The following CACNB4 variants were observed in gnomAD, a reference collection of about 807,000 sequenced individuals.
The protein encoded by CACNB4 is voltage-dependent L-type calcium channel subunit beta-4.
A neutral mutation model predicts 71.2 loss-of-function variants in CACNB4; 32 were observed. That is an observed-to-expected ratio of 0.45 (90% CI 0.34 to 0.60). The LOEUF (loss-of-function observed/expected upper bound fraction) is 0.60, where lower values mean the gene tolerates loss of function less well. CACNB4 is among the 20% of genes least tolerant of loss of function. CACNB4 has a pLI of 0.01. For missense variants in CACNB4, 464 were observed against 647.9 expected (o/e 0.72, Z 3.08); for synonymous variants, 231 against 236.9 (o/e 0.97, Z 0.23).
intron 2 of CACNB4, among the ~76,000 whole-genome samples, chr2:151,907,000 C>A (rs907419433): frequency 6.6e-6 from 1 of 152,150 alleles, no homozygotes; most frequent in African/African-American, 2.4e-5. Context: ...GCAGTTATCT[C>A]TATATGTTTA....
chr2:152,074,642 T>C (rs11886890), intron 2 of CACNB4, among the ~76,000 whole-genome samples: 4,273 of 40,250 alleles, frequency 0.11, 317 homozygotes, highest in East Asian at 0.44. Flanking sequence ...TTACCACCTC[T>C]ATCATCACCA....
At chr2:152,047,562 T>C (rs1685201501) in intron 2 of CACNB4, among the ~76,000 whole-genome samples, 1 of 152,236 alleles carries the variant, frequency 6.6e-6, no homozygotes, top group African/African-American at 2.4e-5. Context: ...TTGTAACTTC[T>C]GCTTTCTTGA....
chr2:151,964,790 C>A (rs1365568636), intron 2 of CACNB4, among the ~76,000 whole-genome samples: 3 of 152,166 alleles, frequency 2.0e-5, no homozygotes, highest in African/African-American at 7.2e-5. Context: ...TTTTAGTTAA[C>A]TAAATATGAA....
At chr2:151,923,615 G>A (rs1158112864) in intron 2 of CACNB4, among the ~76,000 whole-genome samples, 2 of 152,220 alleles carry the variant, frequency 1.3e-5, no homozygotes, top group Non-Finnish European at 2.9e-5. Flanking sequence ...GTCTTGGCCA[G>A]ATAATTTCAG....
intron 2 of CACNB4, among the ~76,000 whole-genome samples, chr2:152,053,712 T>C (rs1478844891): frequency 6.6e-6 from 1 of 151,924 alleles, no homozygotes; most frequent in Non-Finnish European, 1.5e-5. Flanking sequence ...TTTGTAGAGA[T>C]AGAGTCTCAC....
intron 2 of CACNB4, among the ~76,000 whole-genome samples, chr2:152,071,689 C>T (rs949521389): frequency 3.3e-5 from 5 of 152,030 alleles, no homozygotes; most frequent in Non-Finnish European, 5.9e-5. Context: ...TATAGTAACC[C>T]GAAAACAAAA....
At chr2:151,926,521 G>A (rs183545481) in intron 2 of CACNB4, among the ~76,000 whole-genome samples, 2 of 152,174 alleles carry the variant, frequency 1.3e-5, no homozygotes, top group East Asian at 3.9e-4. Context: ...CTAAAATGAG[G>A]GTCCCCAAAG....
intron 2 of CACNB4, among the ~76,000 whole-genome samples, chr2:151,905,099 G>A (rs1024157994): frequency 3.9e-5 from 6 of 152,162 alleles, no homozygotes; most frequent in African/African-American, 1.2e-4. Context: ...GTTCAAGTGC[G>A]TGCCAGGATA....
intron 2 of CACNB4, among the ~76,000 whole-genome samples, chr2:152,072,361 TA>T (rs956838195): frequency 2.1e-4 from 32 of 152,222 alleles, no homozygotes; most frequent in African/African-American, 7.7e-4. Flanking sequence ...CCAACGTGGC[TA>T]GGGGAGCTTA....
At chr2:152,080,006 A>G (rs1481548960) in intron 2 of CACNB4, among the ~76,000 whole-genome samples, 1 of 152,194 alleles carries the variant, frequency 6.6e-6, no homozygotes, top group African/African-American at 2.4e-5. Flanking sequence ...TAGCTCCTAC[A>G]TAATTGCTTT....
chr2:152,035,649 C>CTATATA (rs1422018845), intron 2 of CACNB4, among the ~76,000 whole-genome samples: 7 of 116,304 alleles, frequency 6.0e-5, no homozygotes, highest in African/African-American at 1.7e-4. Flanking sequence ...CTCTCTCTCT[C>CTATATA]TCTATATATA....
chr2:151,839,034 A>T lies in CACNB4; in HGVS notation c.*85T>A, dbSNP rs2099835508. On this transcript the variant is annotated 3_prime_UTR_variant, in exon 14 of 14. Coordinates refer to ENST00000539935, the MANE Select transcript of CACNB4 (RefSeq NM_000726.5). ...CCATTAGCACAGTAAATACTGTGCT[A>T]TGTTAGCCAAGTTAAGATGATTGGT... 1 of 1,258,600 alleles carries T rather than the reference A, an allele frequency of 7.9e-7. No homozygotes were observed. The highest frequency in any genetic ancestry group is 2.1e-5 in the Admixed American group (1 of 46,804). The allele number at this position is 1,258,600 out of a possible 1,614,324, so 78.0% of individuals were successfully genotyped here. A position where few individuals can be genotyped will look rare whatever the true frequency, so the allele number is the denominator to read the frequency against.
At chr2:152,090,625 A>G (rs549311822) in intron 2 of CACNB4, among the ~76,000 whole-genome samples, 92 of 151,870 alleles carry the variant, frequency 6.1e-4, no homozygotes, top group African/African-American at 2.1e-3. Flanking sequence ...CCTGGGCAAC[A>G]ACAGCAAAAC....
In CACNB4 at chr2:152,035,505, A is replaced by T. The variant is rs548688499; in HGVS notation, c.147+62825T>A. Among the ~76,000 whole-genome samples the T allele has an allele frequency of 3.3e-5, 5 of 152,198 alleles. No individual in the cohort carries two copies. In the East Asian group the frequency reaches 9.7e-4, roughly 29 times the overall value. ...AACCCGGGAGGCGGAGGTTGCGGTG[A>T]GCTGAGATCGTGCCATTGCACTCCA... On this transcript the variant is annotated intron_variant, in intron 2 of 13. Transcript: ENST00000539935.
intron 12 of CACNB4, chr2:151,852,515 C>G (rs2099839328): frequency 1.3e-5 from 2 of 152,184 alleles, no homozygotes; most frequent in Admixed American, 6.5e-5. Flanking sequence ...TTCTTATGTT[C>G]CTGGCGCTGT....
At chr2:152,067,377 A>T (rs1381298478) in intron 2 of CACNB4, among the ~76,000 whole-genome samples, 1 of 140,386 alleles carries the variant, frequency 7.1e-6, no homozygotes, top group African/African-American at 2.9e-5. Context: ...TTTTATAGAG[A>T]TGTGTGTGTG....
Position 152,098,262 on chromosome 2 carries a change from G to C in CACNB4, c.147+68C>G, listed in dbSNP as rs921268994. The C allele has an allele frequency of 1.1e-5, 14 of 1,290,878 alleles. No individual in the cohort carries two copies. Among genetic ancestry groups the C allele is most frequent in the Non-Finnish European group, 1.5e-5 (13 of 889,598 alleles). The allele number at this position is 1,290,878 out of a possible 1,614,324, so 80.0% of individuals were successfully genotyped here. On this transcript the variant is annotated intron_variant, in intron 2 of 13. Coordinates refer to ENST00000539935, the MANE Select transcript of CACNB4 (RefSeq NM_000726.5). The surrounding 1 kb of genome is among the most constrained non-coding windows in gnomAD (Gnocchi z 5.3). ...GCTCCCGCACGTGTGGGCCACGGCCGGCTCCAGGACCCCCGCGCCGCGCGC... is the reference window on the plus strand; with the variant it reads ...GCTCCCGCACGTGTGGGCCACGGCCCGCTCCAGGACCCCCGCGCCGCGCGC...
In CACNB4 at chr2:151,880,711, G is replaced by C. The variant is rs2151442756; in HGVS notation, c.390+89C>G. The C allele has an allele frequency of 2.1e-6, 3 of 1,399,488 alleles. No homozygotes were observed. The South Asian group carries it at 3.8e-5, about 18-fold the overall frequency. The allele number at this position is 1,399,488 out of a possible 1,614,324, so 86.7% of individuals were successfully genotyped here. A position where few individuals can be genotyped will look rare whatever the true frequency, so the allele number is the denominator to read the frequency against. On this transcript the variant is annotated intron_variant, in intron 4 of 13. Coordinates refer to ENST00000539935, the MANE Select transcript of CACNB4 (RefSeq NM_000726.5). Reference sequence around the variant, plus strand: ...TCATGTACTGCACTGGCAGCTCCTTGGGTCTCCTCTCTGGCTAGTTTGGCT... The same window carrying C: ...TCATGTACTGCACTGGCAGCTCCTTCGGTCTCCTCTCTGGCTAGTTTGGCT...
chr2:151,870,395 A>G (rs1219107366), intron 8 of CACNB4, 136 bp downstream of exon 8: 3 of 736,708 alleles, frequency 4.1e-6, no homozygotes, highest in Non-Finnish European at 7.4e-6. Flanking sequence ...CCCACACGGT[A>G]CCCCCTGCCT....
Sources: allele counts gnomAD v4.1 joint callset (sites outside exome capture counted in the v4.1 genomes callset), GRCh38; gene constraint gnomAD v4.1.1; non-coding constraint Gnocchi (gnomAD v3.1); transcripts MANE v1.5; gene names NCBI Gene and HGNC (gene_info 2026-07-23, HGNC 2026-07-21).